The following RASGRF1 variants were observed in gnomAD, a reference collection of about 807,000 sequenced individuals.
The protein encoded by RASGRF1 is ras-specific guanine nucleotide-releasing factor 1.
Under a neutral mutation model 138.7 loss-of-function variants are expected in RASGRF1, and 40 were observed. The ratio of observed to expected loss-of-function variants is 0.29; its 90% confidence interval spans 0.22 to 0.38. RASGRF1 has a LOEUF of 0.38. RASGRF1 is among the 10% of genes least tolerant of loss of function. The pLI, the probability that RASGRF1 is intolerant of heterozygous loss-of-function variation, is 1.00. For missense variants in RASGRF1, 1,108 were observed against 1,650.4 expected (o/e 0.67, Z 5.69); for synonymous variants, 614 against 663.2 (o/e 0.93, Z 1.14).
chr15:79,012,452 C>T, intron 13 of RASGRF1: 15 of 1,372,478 alleles, frequency 1.1e-5, no homozygotes, highest in Non-Finnish European at 1.5e-5. Context: ...CTCTCTCTCT[C>T]ACTAAACGAT....
At chr15:79,072,736 G>A (rs1018467784) in intron 1 of RASGRF1, among the ~76,000 whole-genome samples, 1 of 152,226 alleles carries the variant, frequency 6.6e-6, no homozygotes, top group East Asian at 1.9e-4. Flanking sequence ...CTTCCTCAGA[G>A]TTACAAGGTT....
intron 26 of RASGRF1, among the ~76,000 whole-genome samples, chr15:78,962,648 T>C (rs949548462): frequency 6.6e-6 from 1 of 152,180 alleles, no homozygotes; most frequent in Admixed American, 6.6e-5. Context: ...TTTGGGAGGC[T>C]GAGGCAGGAG....
chr15:79,075,622 T>C (rs2057822984), intron 1 of RASGRF1, among the ~76,000 whole-genome samples: 1 of 152,204 alleles, frequency 6.6e-6, no homozygotes, highest in South Asian at 2.1e-4. Flanking sequence ...CACAGAACAT[T>C]GGACAACCAC....
At position 79,025,386 on chromosome 15, in the gene RASGRF1, TCG is replaced by T; in HGVS notation, c.1468_1469del (p.Arg490ThrfsTer7). On this transcript the variant is annotated frameshift_variant, in exon 10 of 27. Coordinates refer to ENST00000558480, the MANE Select transcript of RASGRF1 (RefSeq NM_001145648.3). LOFTEE classifies it high-confidence loss of function. ...GATGCTTAGAAAACAGGAAGCACTGTCGCTCGCCCTCTTTCTTTAGGGAGAGA... is the reference window on the plus strand; with the variant it reads ...GATGCTTAGAAAACAGGAAGCACTGTCTCGCCCTCTTTCTTTAGGGAGAGA... ...GSLSLKKEGE[R>X]QCFLFSKHLI... is the part of the protein sequence containing the mutation. 6.2e-7 allele frequency: 1 copy of T among 1,614,068 alleles called. No homozygotes were observed.
At chr15:79,084,197 T>C (rs915841078) in intron 1 of RASGRF1, among the ~76,000 whole-genome samples, 2 of 152,198 alleles carry the variant, frequency 1.3e-5, no homozygotes, top group African/African-American at 4.8e-5. Flanking sequence ...GATTTGTCTA[T>C]AGTGACCCAG....
In RASGRF1 at chr15:78,978,368, G is replaced by C. The variant is rs527519891; in HGVS notation, c.3494+2252C>G. 1.0e-5 allele frequency: 3 copies of C among 297,322 alleles called. No homozygotes were observed. The South Asian group carries it at 3.9e-4, about 39-fold the overall frequency. The allele number at this position is 297,322 out of a possible 1,614,324, so 18.4% of individuals were successfully genotyped here. A position where few individuals can be genotyped will look rare whatever the true frequency, so the allele number is the denominator to read the frequency against. On this transcript the variant is annotated intron_variant, in intron 24 of 26. Transcript: ENST00000558480. ...GCCTCCCAAGTAGCTGGGATTATAG[G>C]CATGTGCCACCACGCCTGGCTAATT...
chr15:78,998,773 T>C lies in RASGRF1; in HGVS notation c.2799A>G (p.Ala933=). ...NGDKEFVIRR[A]ATNRVLNVLR... Reference sequence around the variant, plus strand: ...GCACGTTCAAGACACGATTGGTGGCTGCTCTGCGGATCACAAACTCCTTGT... The same window carrying C: ...GCACGTTCAAGACACGATTGGTGGCCGCTCTGCGGATCACAAACTCCTTGT... The change falls in exon 18 of 27, where the codon GCA becomes GCG. Residue 933 remains alanine, a synonymous_variant. Coordinates refer to ENST00000558480, the MANE Select transcript of RASGRF1 (RefSeq NM_001145648.3). 6.2e-7 allele frequency: 1 copy of C among 1,614,182 alleles called. No individual in the cohort carries two copies.
At chr15:78,997,736 C>A (rs1182683577) in intron 19 of RASGRF1, among the ~76,000 whole-genome samples, 1,756 of 112,176 alleles carry the variant, frequency 0.016, no homozygotes, top group Middle Eastern at 0.024. Context: ...GACTTCGCCT[C>A]AAAAAAAAAA....
intron 1 of RASGRF1, among the ~76,000 whole-genome samples, chr15:79,078,403 T>TG (rs2057869174): frequency 6.6e-6 from 1 of 152,218 alleles, no homozygotes; most frequent in Non-Finnish European, 1.5e-5. Flanking sequence ...CTTCCAGCCC[T>TG]GGCTGCACGT....
chr15:79,056,276 G>C (rs1479145217), intron 3 of RASGRF1, among the ~76,000 whole-genome samples: 1 of 152,216 alleles, frequency 6.6e-6, no homozygotes, highest in Non-Finnish European at 1.5e-5. Context: ...GTAAGTGAAT[G>C]AATGAATGAC....
chr15:79,011,200 C>T (rs528006847), intron 13 of RASGRF1, among the ~76,000 whole-genome samples: 2 of 152,204 alleles, frequency 1.3e-5, no homozygotes, highest in South Asian at 2.1e-4. Flanking sequence ...CACTCCTTGC[C>T]GGTCGCGTTA....
chr15:79,036,377 CCTGT>C, intron 5 of RASGRF1, among the ~76,000 whole-genome samples: 1 of 152,206 alleles, frequency 6.6e-6, no homozygotes, highest in East Asian at 1.9e-4. Flanking sequence ...GGAATGTTCT[CCTGT>C]CTTTCTTTGG....
chr15:79,071,157 G>A (rs754166276), intron 1 of RASGRF1, among the ~76,000 whole-genome samples: 1 of 152,146 alleles, frequency 6.6e-6, no homozygotes, highest in Non-Finnish European at 1.5e-5. Flanking sequence ...TTTTCATGGC[G>A]GGTCTCAGGA....
intron 1 of RASGRF1, among the ~76,000 whole-genome samples, chr15:79,086,586 C>T (rs928548780): frequency 2.7e-5 from 4 of 146,110 alleles, no homozygotes; most frequent in Admixed American, 6.8e-5. Context: ...CCCCCCCCCC[C>T]CAGCTTCTGG....
intron 8 of RASGRF1, among the ~76,000 whole-genome samples, chr15:79,029,546 G>C (rs536992891): frequency 1.3e-5 from 2 of 152,216 alleles, no homozygotes; most frequent in South Asian, 4.2e-4. Flanking sequence ...GGAGTTTCAA[G>C]GTCGCGAGGC....
Position 78,973,463 on chromosome 15 carries a change from A to AC in RASGRF1, c.3495-44_3495-43insG, listed in dbSNP as rs766243996. 2.8e-6 allele frequency: 4 copies of AC among 1,437,098 alleles called. No homozygotes were observed. The highest frequency in any genetic ancestry group is 2.9e-6 in the Non-Finnish European group (3 of 1,027,936). The allele number at this position is 1,437,098 out of a possible 1,614,324, so 89.0% of individuals were successfully genotyped here. A position where few individuals can be genotyped will look rare whatever the true frequency, so the allele number is the denominator to read the frequency against. On this transcript the variant is annotated intron_variant, in intron 24 of 26. Coordinates refer to ENST00000558480, the MANE Select transcript of RASGRF1 (RefSeq NM_001145648.3). This position sits in a 1 kb window ranked among gnomAD's most constrained non-coding sequence, Gnocchi z 4.9. ...TTAACACAAGTTTTTCATTTTAAAA[A>AC]AGTAACGTCTACCAAGAACAGAACA...
Position 79,004,042 on chromosome 15 carries a change from G to A in RASGRF1, c.2209C>T (p.Arg737Cys), listed in dbSNP as rs756114753. The change falls in exon 15 of 27, where the codon CGC becomes TGC. Residue 737 changes from arginine to cysteine, a missense_variant. Coordinates refer to ENST00000558480, the MANE Select transcript of RASGRF1 (RefSeq NM_001145648.3). ...LSITKTSSPS[R>C]RRKLSLNIPI... ...ATGTTCAGGGAGAGCTTCCGCCGGC[G>A]GCTCGGTGACGATGTCTTGGTGATG... is the stretch of plus-strand genomic sequence containing the variant. 30 of 1,614,050 alleles carry A rather than the reference G, an allele frequency of 1.9e-5. No homozygotes were observed. The highest frequency in any genetic ancestry group is 2.5e-5 in the Non-Finnish European group (29 of 1,180,030).
At chr15:79,005,277 G>A in intron 14 of RASGRF1, 1 of 985,768 alleles carries the variant, frequency 1.0e-6, no homozygotes, top group Non-Finnish European at 1.2e-6. Flanking sequence ...GTGTGGATTG[G>A]GGGAGGAATG....
At position 79,090,643 on chromosome 15, in the gene RASGRF1, C is replaced by A; in HGVS notation, c.-145G>T. 1 of 1,152,736 alleles carries A rather than the reference C, an allele frequency of 8.7e-7. No homozygotes were observed. Among genetic ancestry groups the A allele is most frequent in the Non-Finnish European group, 1.2e-6 (1 of 825,972 alleles). 71.4% of individuals were successfully genotyped at this position (1,152,736 alleles called of 1,614,324 possible). ...CCCCTCCCCCCAAATATCTACACTC[C>A]AGGATCTGGCGCCGAGCCGCGGCTT... On this transcript the variant is annotated 5_prime_UTR_variant, in exon 1 of 27. It introduces an in-frame stop codon into an upstream open reading frame of the 5' UTR. Transcript: ENST00000558480.
Sources: gnomAD v4.1 joint callset for allele counts (sites outside exome capture counted in the v4.1 genomes callset) on GRCh38, gnomAD v4.1.1 for gene constraint, Gnocchi (gnomAD v3.1) non-coding constraint, MANE v1.5 for transcripts, NCBI Gene and HGNC (gene_info 2026-07-23, HGNC 2026-07-21) for gene names.